Variants in MTHFD2L observed in about 807,000 individuals in gnomAD.
The protein encoded by MTHFD2L is methylenetetrahydrofolate dehydrogenase (NADP+ dependent) 2 like.
Under a neutral mutation model 34.9 loss-of-function variants are expected in MTHFD2L, and 29 were observed. The ratio of observed to expected loss-of-function variants is 0.83; its 90% confidence interval spans 0.62 to 1.13. The LOEUF is 1.13. Among genes scored for constraint, MTHFD2L ranks in the 50% most tolerant of loss-of-function variants. The pLI, the probability that MTHFD2L is intolerant of heterozygous loss-of-function variation, is 0.00. For missense variants in MTHFD2L, 481 were observed against 446.5 expected (o/e 1.08, Z -0.70); for synonymous variants, 167 against 155.7 (o/e 1.07, Z -0.54).
chr4:74,124,450 A>G (rs1721935723), upstream of MTHFD2L, among the ~76,000 whole-genome samples: 1 of 151,218 alleles, frequency 6.6e-6, no homozygotes, highest in Non-Finnish European at 1.5e-5. Flanking sequence ...GATATAAAAT[A>G]TTAATTTTAA....
intron 5 of MTHFD2L, among the ~76,000 whole-genome samples, chr4:74,221,881 G>A (rs577890882): frequency 4.6e-4 from 69 of 151,044 alleles, no homozygotes; most frequent in African/African-American, 1.7e-3. Flanking sequence ...ACATTATATA[G>A]TACTCTTAAT....
chr4:74,155,697 T>C (rs898125016), upstream of MTHFD2L, among the ~76,000 whole-genome samples: 1 of 151,820 alleles, frequency 6.6e-6, no homozygotes, highest in African/African-American at 2.4e-5. Flanking sequence ...TCTATTATCA[T>C]ACAAAAATAT....
At chr4:74,152,765 A>G (rs1202595746) in intron 1 of MTHFD2L, among the ~76,000 whole-genome samples, 1 of 152,190 alleles carries the variant, frequency 6.6e-6, no homozygotes, top group Non-Finnish European at 1.5e-5. Flanking sequence ...ATGCATGAGA[A>G]CATGCAGTGT....
intron 3 of MTHFD2L, among the ~76,000 whole-genome samples, chr4:74,197,691 A>G (rs779926243): frequency 6.6e-6 from 1 of 152,186 alleles, no homozygotes; most frequent in Non-Finnish European, 1.5e-5. Flanking sequence ...GATTGACTCT[A>G]ACTCCTTGAA....
chr4:74,143,521 G>T lies in MTHFD2L; in HGVS notation c.-296-16534G>T, dbSNP rs569806759. On this transcript the variant is annotated intron_variant, in intron 1 of 7. Coordinates refer to the MTHFD2L transcript ENST00000433372. ...ATGGAAGGGGCAGAAGACTAAACAA[G>T]CACGGTTCCCTGGAACCCATGTCAG... The T allele has an allele frequency of 6.9e-5, 55 of 797,176 alleles. No homozygotes were observed. In the African/African-American group the frequency reaches 1.0e-3, roughly 15 times the overall value. The allele number at this position is 797,176 out of a possible 1,614,324, so 49.4% of individuals were successfully genotyped here. A position where few individuals can be genotyped will look rare whatever the true frequency, so the allele number is the denominator to read the frequency against.
intron 6 of MTHFD2L, among the ~76,000 whole-genome samples, chr4:74,276,270 A>C (rs1746634538): frequency 6.6e-6 from 1 of 152,130 alleles, no homozygotes; most frequent in South Asian, 2.1e-4. Context: ...TTCATCTTTC[A>C]TCTTTCTGAG....
At chr4:74,205,825 G>T (rs1319266384) in intron 5 of MTHFD2L, among the ~76,000 whole-genome samples, 2 of 151,988 alleles carry the variant, frequency 1.3e-5, no homozygotes, top group African/African-American at 4.8e-5. Flanking sequence ...AGTCTTGGTG[G>T]TGGTGATGGG....
intron 6 of MTHFD2L, among the ~76,000 whole-genome samples, chr4:74,270,504 C>G (rs1042853608): frequency 2.8e-4 from 43 of 152,268 alleles, no homozygotes; most frequent in African/African-American, 9.6e-4. Flanking sequence ...ATGAACTCAT[C>G]ATTTTTTATG....
intron 1 of MTHFD2L, chr4:74,143,443 G>A (rs1273245397): frequency 5.1e-6 from 5 of 985,174 alleles, no homozygotes; most frequent in Admixed American, 6.2e-5. Context: ...CAATTTTCAC[G>A]CTGAGTTTGG....
intron 7 of MTHFD2L, among the ~76,000 whole-genome samples, chr4:74,289,130 T>C (rs1748562238): frequency 6.6e-6 from 1 of 152,228 alleles, no homozygotes; most frequent in Non-Finnish European, 1.5e-5. Flanking sequence ...AGCTTCCATT[T>C]TGGTTATAGG....
intron 1 of MTHFD2L, among the ~76,000 whole-genome samples, chr4:74,166,491 G>A (rs1158033205): frequency 6.6e-6 from 1 of 152,144 alleles, no homozygotes; most frequent in East Asian, 1.9e-4. Flanking sequence ...GAAGAGATAA[G>A]GTTTCTGTTT....
chr4:74,225,801 G>A (rs760322571), intron 6 of MTHFD2L, among the ~76,000 whole-genome samples: 5 of 152,110 alleles, frequency 3.3e-5, no homozygotes, highest in Non-Finnish European at 5.9e-5. Flanking sequence ...TAGTCACTAT[G>A]CTGCCCTAAA....
chr4:74,232,059 T>C (rs1341600012), intron 6 of MTHFD2L, among the ~76,000 whole-genome samples: 1 of 152,192 alleles, frequency 6.6e-6, no homozygotes, highest in Admixed American at 6.5e-5. Flanking sequence ...ATTTAAACAA[T>C]TTAGAAATGA....
At chr4:74,276,340 G>A (rs1369236731) in intron 6 of MTHFD2L, among the ~76,000 whole-genome samples, 1 of 152,060 alleles carries the variant, frequency 6.6e-6, no homozygotes, top group Non-Finnish European at 1.5e-5. Context: ...ATAAAATAAT[G>A]TTAATATTAC....
At chr4:74,169,833 T>C (rs1416732962) in intron 1 of MTHFD2L, among the ~76,000 whole-genome samples, 1 of 152,178 alleles carries the variant, frequency 6.6e-6, no homozygotes, top group Non-Finnish European at 1.5e-5. Context: ...CTTTGAAAAA[T>C]AAAAACCTCA....
At chr4:74,265,644 A>T (rs1452233409) in intron 6 of MTHFD2L, among the ~76,000 whole-genome samples, 5 of 152,224 alleles carry the variant, frequency 3.3e-5, no homozygotes, top group African/African-American at 1.2e-4. Context: ...CTGAAATCTG[A>T]ACTTGAGCCT....
chr4:74,172,866 A>G (rs756763660), intron 1 of MTHFD2L, among the ~76,000 whole-genome samples: 65 of 152,196 alleles, frequency 4.3e-4, no homozygotes, highest in Non-Finnish European at 8.1e-4. Context: ...ATCAAGTTCT[A>G]CCTATACGTC....
At chr4:74,141,514 T>C (rs1723274397) in intron 1 of MTHFD2L, among the ~76,000 whole-genome samples, 1 of 152,206 alleles carries the variant, frequency 6.6e-6, no homozygotes, top group East Asian at 1.9e-4. Context: ...TGCTTCTTGT[T>C]TCTCGCTTTG....
intron 5 of MTHFD2L, among the ~76,000 whole-genome samples, chr4:74,202,733 C>A (rs529905695): frequency 6.6e-6 from 1 of 152,240 alleles, no homozygotes; most frequent in African/African-American, 2.4e-5. Context: ...TACTTCTAAT[C>A]TTTCTCCCCC....
Sources: gnomAD v4.1 joint callset for allele counts (sites outside exome capture counted in the v4.1 genomes callset) on GRCh38, gnomAD v4.1.1 for gene constraint, MANE v1.5 for transcripts, NCBI Gene and HGNC (gene_info 2026-07-23, HGNC 2026-07-21) for gene names.